Variants in CLEC9A observed in about 807,000 individuals in gnomAD.
The protein encoded by CLEC9A is C-type lectin domain containing 9A, also known as C-type lectin domain family 9 member A.
A neutral mutation model predicts 30.0 loss-of-function variants in CLEC9A; 24 were observed. The observed-to-expected ratio is 0.80, with a 90% CI of 0.58 to 1.13. The LOEUF is 1.13. CLEC9A is among the 50% of genes most tolerant of loss of function. The pLI, the probability that CLEC9A is intolerant of heterozygous loss-of-function variation, is 0.00. For missense variants in CLEC9A, 251 were observed against 280.9 expected, an observed-to-expected ratio of 0.89 and a Z score of 0.76; for synonymous variants, 111 against 96.8, an observed-to-expected ratio of 1.15 and a Z score of -0.86.
chr12:10,053,202 G>A (rs1384089334), intron 4 of CLEC9A, among the ~76,000 whole-genome samples: 3 of 152,164 alleles, frequency 2.0e-5, no homozygotes, highest in Non-Finnish European at 4.4e-5. Flanking sequence ...TGTCTGTATC[G>A]TTTAATATCT....
intron 1 of CLEC9A, among the ~76,000 whole-genome samples, chr12:10,034,902 C>CAGAG (rs1865731002): frequency 6.6e-6 from 1 of 152,210 alleles, no homozygotes; most frequent in African/African-American, 2.4e-5. Flanking sequence ...ATAGCAAGGA[C>CAGAG]AGAGGCTTTC....
At chr12:10,048,273 G>A (rs1865865265) in intron 2 of CLEC9A, among the ~76,000 whole-genome samples, 1 of 151,266 alleles carries the variant, frequency 6.6e-6, no homozygotes, top group Non-Finnish European at 1.5e-5. Context: ...GCGTGGTGGT[G>A]CACGCATGTA....
chr12:10,061,360 C>A, intron 6 of CLEC9A, 87 bp downstream of exon 6: 1 of 1,320,148 alleles, frequency 7.6e-7, no homozygotes, highest in African/African-American at 1.5e-5. Flanking sequence ...ATTTTGTTCT[C>A]TGCAAAACTG....
At chr12:10,058,506 A>C (rs1271594992) in intron 5 of CLEC9A, among the ~76,000 whole-genome samples, 1 of 152,176 alleles carries the variant, frequency 6.6e-6, no homozygotes, top group Non-Finnish European at 1.5e-5. Context: ...AGCAATGTTG[A>C]TAAGTAAAAC....
intron 2 of CLEC9A, among the ~76,000 whole-genome samples, chr12:10,048,326 C>G (rs1425963150): frequency 1.4e-5 from 2 of 146,258 alleles, no homozygotes; most frequent in African/African-American, 2.5e-5. Context: ...GAGCCGAGAT[C>G]GCGACACTAC....
chr12:10,036,124 T>C (rs1017384939), intron 1 of CLEC9A, among the ~76,000 whole-genome samples: 1 of 152,192 alleles, frequency 6.6e-6, no homozygotes, highest in African/African-American at 2.4e-5. Context: ...TGATAAACTT[T>C]GTGATAGGAC....
At chr12:10,044,044 A>C (rs1413789953) in intron 2 of CLEC9A, among the ~76,000 whole-genome samples, 4 of 152,198 alleles carry the variant, frequency 2.6e-5, no homozygotes, top group African/African-American at 9.6e-5. Context: ...TGTAAACTTG[A>C]GAGTCTTTTG....
intron 5 of CLEC9A, among the ~76,000 whole-genome samples, chr12:10,058,565 C>G (rs1865963661): frequency 2.0e-5 from 3 of 152,168 alleles, no homozygotes; most frequent in Admixed American, 6.6e-5. Flanking sequence ...TTTTCTTGCT[C>G]TGTTGCCCAG....
intron 5 of CLEC9A, among the ~76,000 whole-genome samples, chr12:10,058,461 C>T (rs1198403184): frequency 2.6e-5 from 4 of 152,178 alleles, no homozygotes; most frequent in Non-Finnish European, 4.4e-5. Flanking sequence ...TTTCTCTAGT[C>T]CATGGCTTTT....
At chr12:10,036,519 T>C (rs1865745282) in intron 1 of CLEC9A, among the ~76,000 whole-genome samples, 1 of 152,196 alleles carries the variant, frequency 6.6e-6, no homozygotes, top group African/African-American at 2.4e-5. Context: ...AAATACTTCT[T>C]TTGTTTCTGT....
chr12:10,065,046 GCTT>G (rs1319647688), intron 8 of CLEC9A, among the ~76,000 whole-genome samples, 193 bp downstream of exon 8: 3 of 152,110 alleles, frequency 2.0e-5, no homozygotes, highest in African/African-American at 7.2e-5. Flanking sequence ...TCCCAGCCCT[GCTT>G]CTATTATCTT....
chr12:10,035,936 A>G (rs546413072), intron 1 of CLEC9A, among the ~76,000 whole-genome samples: 2 of 152,344 alleles, frequency 1.3e-5, no homozygotes, highest in African/African-American at 2.4e-5. Flanking sequence ...AAGTATACTT[A>G]TTCAAACTCC....
chr12:10,063,360 G>C (rs1414337279), intron 7 of CLEC9A, among the ~76,000 whole-genome samples, 154 bp downstream of exon 7: 2 of 152,098 alleles, frequency 1.3e-5, no homozygotes, highest in Admixed American at 1.3e-4. Flanking sequence ...GTTGGAATCT[G>C]TATTTTTTGT....
intron 6 of CLEC9A, among the ~76,000 whole-genome samples, chr12:10,061,719 A>G (rs1010981): frequency 0.49 from 74,126 of 152,096 alleles, 22,195 homozygotes; most frequent in Middle Eastern, 0.72. Context: ...AAATTCTTTT[A>G]CGATGCAGGA....
chr12:10,064,612 T>G, intron 7 of CLEC9A, 120 bp from the exon 8 acceptor site: 1 of 1,085,970 alleles, frequency 9.2e-7, no homozygotes, highest in East Asian at 2.6e-5. Context: ...CTCCCTTCTC[T>G]CCTTTTCCAG....
At chr12:10,054,500 C>G (rs189604290) in intron 5 of CLEC9A, 149 bp downstream of exon 5, 127 of 596,026 alleles carry the variant, frequency 2.1e-4, no homozygotes, top group Non-Finnish European at 3.3e-4. Context: ...ATAGAACTCT[C>G]TGAGCACTTG....
intron 2 of CLEC9A, among the ~76,000 whole-genome samples, chr12:10,049,345 A>T (rs548982602): frequency 2.0e-5 from 3 of 152,254 alleles, no homozygotes; most frequent in African/African-American, 7.2e-5. Context: ...AACTTAAATC[A>T]CCAGCTGCAT....
At chr12:10,044,443 CTATT>C (rs1865827608) in intron 2 of CLEC9A, among the ~76,000 whole-genome samples, 1 of 152,182 alleles carries the variant, frequency 6.6e-6, no homozygotes, top group East Asian at 1.9e-4. Context: ...GCTTTATCTC[CTATT>C]ACTTGCTGCC....
intron 2 of CLEC9A, among the ~76,000 whole-genome samples, chr12:10,042,203 G>A (rs1450167154): frequency 2.0e-5 from 3 of 152,180 alleles, no homozygotes; most frequent in Admixed American, 2.0e-4. Flanking sequence ...GAATTTATCT[G>A]TCAGGTTCTG....
Sources: allele counts gnomAD v4.1 joint callset (sites outside exome capture counted in the v4.1 genomes callset), GRCh38; gene constraint gnomAD v4.1.1; transcripts MANE v1.5; gene names NCBI Gene and HGNC (gene_info 2026-07-23, HGNC 2026-07-21).